Variants in CSMD1 observed in about 807,000 individuals in gnomAD.
CSMD1 encodes CUB and sushi domain-containing protein 1.
In CSMD1, 213 loss-of-function variants were observed where a neutral mutation model predicts 417.5. The observed-to-expected ratio is 0.51, with a 90% confidence interval of 0.46 to 0.57. CSMD1 has a LOEUF of 0.57. Among genes scored for constraint, CSMD1 ranks in the 20% least tolerant of loss-of-function variants. The probability of loss-of-function intolerance (pLI) is 0.00; values close to 1 mark genes in which losing one functional copy is unlikely to be tolerated. For missense variants in CSMD1, 6,923 were observed against 4,529.7 expected (o/e 1.53, Z -15.17); for synonymous variants, 2,862 against 1,736.8 (o/e 1.65, Z -16.11).
intron 21 of CSMD1, among the ~76,000 whole-genome samples, chr8:3,349,918 A>G (rs1329692442): frequency 7.0e-6 from 1 of 143,466 alleles, no homozygotes; most frequent in Admixed American, 7.2e-5. Flanking sequence ...ATATATTTAT[A>G]TATTATATTA....
intron 6 of CSMD1, among the ~76,000 whole-genome samples, chr8:3,752,277 T>G (rs1382911787): frequency 2.0e-5 from 3 of 152,168 alleles, no homozygotes; most frequent in African/African-American, 7.2e-5. Flanking sequence ...GCAGCTTCTT[T>G]GCAACCAAAG....
chr8:4,289,473 C>G (rs1444585444), intron 3 of CSMD1, among the ~76,000 whole-genome samples: 2 of 152,150 alleles, frequency 1.3e-5, no homozygotes, highest in South Asian at 2.1e-4. Context: ...CCAGTAGTAG[C>G]CAGATTTGGA....
At chr8:3,822,891 G>C (rs148134722) in intron 5 of CSMD1, among the ~76,000 whole-genome samples, 255 of 152,238 alleles carry the variant, frequency 1.7e-3, no homozygotes, top group African/African-American at 5.3e-3. Flanking sequence ...ATGAGAACCA[G>C]AGTAACTCAC....
intron 11 of CSMD1, among the ~76,000 whole-genome samples, chr8:3,475,643 T>A (rs893978735): frequency 6.6e-6 from 1 of 152,232 alleles, no homozygotes; most frequent in Admixed American, 6.5e-5. Flanking sequence ...TGTGATCTTT[T>A]GCACAGATTT....
chr8:4,113,166 TCCTAGC>T (rs1801948218), intron 3 of CSMD1, among the ~76,000 whole-genome samples: 1 of 152,112 alleles, frequency 6.6e-6, no homozygotes. Flanking sequence ...CCTCGGGCCT[TCCTAGC>T]CCCAGAGACA....
At chr8:4,295,280 G>A (rs1314965555) in intron 3 of CSMD1, among the ~76,000 whole-genome samples, 4 of 90,836 alleles carry the variant, frequency 4.4e-5, no homozygotes, top group African/African-American at 6.9e-5. Context: ...AAGATTATAT[G>A]CACATATAAT....
intron 3 of CSMD1, among the ~76,000 whole-genome samples, chr8:4,107,398 G>C (rs943982485): frequency 2.0e-5 from 3 of 152,116 alleles, no homozygotes; most frequent in African/African-American, 7.2e-5. Flanking sequence ...AAAATCACTC[G>C]CTCCACAGCA....
intron 2 of CSMD1, among the ~76,000 whole-genome samples, chr8:4,609,543 C>T (rs907922737): frequency 1.3e-5 from 2 of 152,196 alleles, no homozygotes; most frequent in African/African-American, 4.8e-5. Context: ...CTTTATTGTA[C>T]TAAACACTTT....
At chr8:4,720,588 C>G (rs1808988612) in intron 1 of CSMD1, among the ~76,000 whole-genome samples, 1 of 152,000 alleles carries the variant, frequency 6.6e-6, no homozygotes. Context: ...AGGCTAATTT[C>G]TGTATTTAAA....
chr8:4,080,489 A>G (rs962977872), intron 3 of CSMD1, among the ~76,000 whole-genome samples: 1 of 152,234 alleles, frequency 6.6e-6, no homozygotes, highest in Non-Finnish European at 1.5e-5. Flanking sequence ...TCTGGGTTCC[A>G]AATTTCTTAC....
At chr8:3,349,905 TATA>T (rs1808290077) in intron 21 of CSMD1, among the ~76,000 whole-genome samples, 1 of 141,338 alleles carries the variant, frequency 7.1e-6, no homozygotes, top group Non-Finnish European at 1.5e-5. Flanking sequence ...AATATATATT[TATA>T]TATATTTATA....
intron 2 of CSMD1, among the ~76,000 whole-genome samples, chr8:4,481,565 T>C (rs1311699383): frequency 6.6e-6 from 1 of 152,194 alleles, no homozygotes; most frequent in Non-Finnish European, 1.5e-5. Flanking sequence ...GGTGACGGAC[T>C]AAGCTAATAT....
chr8:3,351,227 G>T (rs1585039160), intron 21 of CSMD1, among the ~76,000 whole-genome samples: 1 of 152,128 alleles, frequency 6.6e-6, no homozygotes, highest in Admixed American at 6.5e-5. Context: ...ACAAAGGTAG[G>T]ATTTCATTAC....
chr8:4,698,016 C>G (rs754294833), intron 1 of CSMD1, among the ~76,000 whole-genome samples: 1 of 151,970 alleles, frequency 6.6e-6, no homozygotes, highest in Non-Finnish European at 1.5e-5. Context: ...CTTAATATGT[C>G]CATAGAGAAA....
intron 5 of CSMD1, among the ~76,000 whole-genome samples, chr8:3,808,847 G>C (rs1326515155): frequency 6.6e-6 from 1 of 152,174 alleles, no homozygotes; most frequent in African/African-American, 2.4e-5. Context: ...CCAAAGGAAA[G>C]CGCAGCCCTT....
intron 1 of CSMD1, among the ~76,000 whole-genome samples, chr8:4,954,885 G>A (rs7828071): frequency 0.42 from 64,453 of 152,046 alleles, 14,387 homozygotes; most frequent in East Asian, 0.64. Context: ...CAGGAATTCA[G>A]AGTACTTTGT....
chr8:4,294,570 G>C lies in CSMD1; in HGVS notation c.415+125383C>G, dbSNP rs191240466. On this transcript the variant is annotated intron_variant, in intron 3 of 69. Transcript: ENST00000635120. ...CACTTGTCCATGGTGCCATGTTAGA[G>C]AATGAAGTGAAACCAGAAACCAGGT... Among the ~76,000 whole-genome samples the C allele has an allele frequency of 5.9e-5, 9 of 152,266 alleles. No homozygotes were observed. In the East Asian group the frequency reaches 7.8e-4, roughly 13 times the overall value.
At chr8:3,669,247 A>G (rs10087442) in intron 7 of CSMD1, among the ~76,000 whole-genome samples, 22,145 of 152,130 alleles carry the variant, frequency 0.15, 1,912 homozygotes, top group South Asian at 0.22. Flanking sequence ...CACTGCATCA[A>G]TCTGAGTGAA....
At chr8:3,656,106 A>G (rs1396330375) in intron 7 of CSMD1, among the ~76,000 whole-genome samples, 51 of 152,190 alleles carry the variant, frequency 3.4e-4, no homozygotes, top group Admixed American at 3.3e-3. Context: ...CTACCAGAAG[A>G]TCATGGGGTG....
Sources: allele counts gnomAD v4.1 joint callset (sites outside exome capture counted in the v4.1 genomes callset), GRCh38; gene constraint gnomAD v4.1.1; transcripts MANE v1.5; gene names NCBI Gene and HGNC (gene_info 2026-07-23, HGNC 2026-07-21).